DAB1: variants seen among roughly 807,000 people sequenced by gnomAD.
DAB1 encodes disabled homolog 1.
A neutral mutation model predicts 64.6 loss-of-function variants in DAB1; 15 were observed. That is an observed-to-expected ratio of 0.23 (90% CI 0.16 to 0.36). DAB1 has a LOEUF of 0.36. Ranked by LOEUF, DAB1 falls within the 10% of genes least tolerant of loss-of-function variation. The pLI is 1.00. For synonymous variants in DAB1, 235 were observed against 251.9 expected (o/e 0.93, Z 0.64); for missense variants, 596 against 706.7 (o/e 0.84, Z 1.78).
intron 1 of DAB1, among the ~76,000 whole-genome samples, chr1:57,344,165 G>C (rs966832099): frequency 1.3e-5 from 2 of 152,192 alleles, no homozygotes; most frequent in Non-Finnish European, 2.9e-5. Flanking sequence ...GCAGAACCAA[G>C]TTACAAACCC....
At chr1:58,545,703 T>C (rs1305976306) in intron 1 of DAB1, among the ~76,000 whole-genome samples, 1 of 152,244 alleles carries the variant, frequency 6.6e-6, no homozygotes, top group African/African-American at 2.4e-5. Flanking sequence ...CAGCACTCAC[T>C]GGCACTCACA....
intron 1 of DAB1, among the ~76,000 whole-genome samples, chr1:58,545,670 T>C (rs1646691234): frequency 6.6e-6 from 1 of 152,174 alleles, no homozygotes; most frequent in African/African-American, 2.4e-5. Flanking sequence ...ATTCTTTAAG[T>C]ACCATCTCCG....
At chr1:58,256,834 T>G (rs1660942949) in intron 4 of DAB1, among the ~76,000 whole-genome samples, 1 of 152,224 alleles carries the variant, frequency 6.6e-6, no homozygotes, top group East Asian at 1.9e-4. Context: ...ATACAGGATT[T>G]CTGATTCCAA....
chr1:57,322,004 G>C (rs531665825), intron 1 of DAB1, among the ~76,000 whole-genome samples: 27 of 152,286 alleles, frequency 1.8e-4, no homozygotes, highest in Admixed American at 3.9e-4. Flanking sequence ...CTGGCACAAA[G>C]TCTTTCCGAT....
intron 7 of DAB1, among the ~76,000 whole-genome samples, chr1:57,562,193 T>A (rs1645060403): frequency 1.3e-5 from 2 of 152,152 alleles, no homozygotes; most frequent in African/African-American, 4.8e-5. Flanking sequence ...GCCAACATGA[T>A]GAAACCCCAT....
rs141698021 is a variant in DAB1 at position 58,193,573 on chromosome 1, C to T, written n.310-42985G>A. ...ATTTACAAATGATAAAACTAAGTTACGGCCAGGCGCAGTGGCTCACGCCTA... is the reference window on the plus strand; with the variant it reads ...ATTTACAAATGATAAAACTAAGTTATGGCCAGGCGCAGTGGCTCACGCCTA... On this transcript the variant is annotated intron_variant and non_coding_transcript_variant, in intron 4 of 20. Transcript: ENST00000485760. Among the ~76,000 whole-genome samples the T allele has an allele frequency of 3.4e-4, 52 of 152,248 alleles. No homozygotes were observed. In the East Asian group the frequency reaches 5.8e-3, roughly 17 times the overall value.
Position 58,334,277 on chromosome 1 carries a change from G to A in DAB1, n.309+9075C>T, listed in dbSNP as rs140968380. The stretch of plus-strand genomic sequence containing the variant: ...TAAACATTGGTCACTCTTTTTGTTG[G>A]GTTGCAATATTAAATATATATGTAT... On this transcript the variant is annotated intron_variant and non_coding_transcript_variant, in intron 4 of 20. Coordinates refer to the DAB1 transcript ENST00000485760. Among the ~76,000 whole-genome samples, 304 of 152,038 alleles carry A rather than the reference G, an allele frequency of 2.0e-3. 3 individuals are homozygous for A. Among genetic ancestry groups the A allele is most frequent in the African/African-American group, 6.8e-3 (282 of 41,448 alleles).
At chr1:57,450,414 AT>A (rs1467081711) in intron 7 of DAB1, among the ~76,000 whole-genome samples, 1 of 152,208 alleles carries the variant, frequency 6.6e-6, no homozygotes, top group Non-Finnish European at 1.5e-5. Context: ...CTGAAAAAAA[AT>A]ATTCTGGAAT....
chr1:57,457,867 G>A (rs915962128), intron 7 of DAB1, among the ~76,000 whole-genome samples: 3 of 152,106 alleles, frequency 2.0e-5, no homozygotes, highest in Admixed American at 2.0e-4. Context: ...GAGCCAATGA[G>A]AAGAATTAAA....
chr1:58,123,440 G>A (rs1652867691), intron 5 of DAB1, among the ~76,000 whole-genome samples: 1 of 152,124 alleles, frequency 6.6e-6, no homozygotes, highest in Non-Finnish European at 1.5e-5. Context: ...TTGGTGATGG[G>A]GGCAGGGGTT....
At chr1:57,096,512 T>G (rs972593174) in intron 4 of DAB1, among the ~76,000 whole-genome samples, 1 of 152,200 alleles carries the variant, frequency 6.6e-6, no homozygotes, top group Non-Finnish European at 1.5e-5. Context: ...TGTATGTTTC[T>G]GCTCTGCATC....
chr1:57,109,185 C>G (rs1655431928), intron 4 of DAB1, among the ~76,000 whole-genome samples: 1 of 152,184 alleles, frequency 6.6e-6, no homozygotes, highest in Non-Finnish European at 1.5e-5. Flanking sequence ...AGGTACCCAG[C>G]AAGCCCCAGA....
intron 7 of DAB1, among the ~76,000 whole-genome samples, chr1:57,482,584 A>T (rs1363333358): frequency 6.6e-6 from 1 of 151,986 alleles, no homozygotes; most frequent in Non-Finnish European, 1.5e-5. Context: ...ACATTAGGAC[A>T]TGTCTCACTC....
chr1:57,995,436 A>AT (rs1426186702), intron 5 of DAB1, among the ~76,000 whole-genome samples: 1 of 152,160 alleles, frequency 6.6e-6, no homozygotes, highest in Non-Finnish European at 1.5e-5. Flanking sequence ...ATTTTATGAG[A>AT]TTTTTAATCA....
chr1:58,519,726 T>A (rs1342116690), intron 2 of DAB1, among the ~76,000 whole-genome samples: 1 of 151,088 alleles, frequency 6.6e-6, no homozygotes, highest in Admixed American at 6.6e-5. Context: ...GAGATTAGAG[T>A]TAAGAAACAT....
At chr1:58,394,107 A>G (rs959746639) in intron 3 of DAB1, among the ~76,000 whole-genome samples, 1 of 152,210 alleles carries the variant, frequency 6.6e-6, no homozygotes, top group African/African-American at 2.4e-5. Flanking sequence ...AATATACTTT[A>G]CCAAAGAAAA....
rs539757903 is a variant in DAB1, at chr1:58,089,886, C to T, written n.387+60625G>A. Among the ~76,000 whole-genome samples, 8 of 152,272 alleles carry T rather than the reference C, an allele frequency of 5.3e-5. No homozygotes were observed. In the South Asian group the frequency reaches 8.3e-4, roughly 16 times the overall value. Reference sequence around the variant, plus strand: ...CCATCCGCTGGGGGCAGACAAGAACCGTTTATTTAGCCAAATGAAAATTTG... The same window carrying T: ...CCATCCGCTGGGGGCAGACAAGAACTGTTTATTTAGCCAAATGAAAATTTG... On this transcript the variant is annotated intron_variant and non_coding_transcript_variant, in intron 5 of 20. Transcript: ENST00000485760.
At chr1:58,103,841 G>A (rs1651475388) in intron 5 of DAB1, among the ~76,000 whole-genome samples, 1 of 152,000 alleles carries the variant, frequency 6.6e-6, no homozygotes, top group South Asian at 2.1e-4. Flanking sequence ...TTCCTCCAAT[G>A]ACTCCATTCC....
At chr1:57,107,008 G>A (rs1011631050) in intron 4 of DAB1, among the ~76,000 whole-genome samples, 3 of 152,156 alleles carry the variant, frequency 2.0e-5, no homozygotes, top group Admixed American at 6.5e-5. Flanking sequence ...AGGCATCATT[G>A]TGTTGATATC....
Sources: gnomAD v4.1 joint callset for allele counts (sites outside exome capture counted in the v4.1 genomes callset) on GRCh38, gnomAD v4.1.1 for gene constraint, MANE v1.5 for transcripts, NCBI Gene and HGNC (gene_info 2026-07-23, HGNC 2026-07-21) for gene names.